The following AXDND1 variants were observed in gnomAD, a reference collection of about 807,000 sequenced individuals.
AXDND1 encodes axonemal dynein light chain domain-containing protein 1.
In AXDND1, 110 loss-of-function variants were observed where a neutral mutation model predicts 137.5. The ratio of observed to expected loss-of-function variants is 0.80; its 90% CI spans 0.69 to 0.94. The LOEUF (loss-of-function observed/expected upper bound fraction) is 0.94, where lower values mean the gene tolerates loss of function less well. Ranked by LOEUF, AXDND1 falls within the 40% of genes least tolerant of loss-of-function variation. The pLI is 0.00. For missense variants in AXDND1, 1,191 were observed against 1,169.8 expected (o/e 1.02, Z -0.26); for synonymous variants, 414 against 399.7 (o/e 1.04, Z -0.43).
At chr1:179,468,991 G>A (rs1663583176) in intron 17 of AXDND1, among the ~76,000 whole-genome samples, 1 of 151,562 alleles carries the variant, frequency 6.6e-6, no homozygotes, top group African/African-American at 2.4e-5. Flanking sequence ...GTGCAATGGC[G>A]AGATCTTGGC....
At chr1:179,407,274 A>G (rs984044373) in intron 11 of AXDND1, among the ~76,000 whole-genome samples, 2 of 151,374 alleles carry the variant, frequency 1.3e-5, no homozygotes, top group African/African-American at 2.4e-5. Context: ...TGTCACCAGA[A>G]TGGAGTGTAG....
At chr1:179,427,854 A>T (rs1024611221) in intron 12 of AXDND1, among the ~76,000 whole-genome samples, 3 of 151,880 alleles carry the variant, frequency 2.0e-5, no homozygotes, top group Non-Finnish European at 4.4e-5. Context: ...CAGAGCCTGA[A>T]CTCCCAGTTT....
At chr1:179,509,725 T>C (rs1434424245) in intron 21 of AXDND1, among the ~76,000 whole-genome samples, 1 of 152,170 alleles carries the variant, frequency 6.6e-6, no homozygotes, top group Non-Finnish European at 1.5e-5. Context: ...TCCCCTCCAG[T>C]CTCAGTCTTT....
At chr1:179,529,275 A>T (rs1023216554) in intron 23 of AXDND1, among the ~76,000 whole-genome samples, 1 of 152,128 alleles carries the variant, frequency 6.6e-6, no homozygotes, top group Non-Finnish European at 1.5e-5. Flanking sequence ...ATTTTCTTGG[A>T]TTGGGGGATC....
chr1:179,433,258 CTCT>C (rs1329138972), intron 15 of AXDND1, among the ~76,000 whole-genome samples: 1 of 151,964 alleles, frequency 6.6e-6, no homozygotes, highest in African/African-American at 2.4e-5. Flanking sequence ...CGATTCTTCT[CTCT>C]TCTTTATTAG....
chr1:179,469,686 A>G (rs1320020256), intron 17 of AXDND1, among the ~76,000 whole-genome samples: 1 of 152,214 alleles, frequency 6.6e-6, no homozygotes, highest in East Asian at 1.9e-4. Flanking sequence ...ATACTTGCCA[A>G]TACTTATTAT....
chr1:179,489,529 A>G (rs1252520367), intron 18 of AXDND1, among the ~76,000 whole-genome samples: 1 of 152,206 alleles, frequency 6.6e-6, no homozygotes, highest in Non-Finnish European at 1.5e-5. Flanking sequence ...CAGCAGGGAC[A>G]TAACTAGTAG....
chr1:179,441,646 T>C (rs994120872), intron 15 of AXDND1, among the ~76,000 whole-genome samples: 1 of 152,248 alleles, frequency 6.6e-6, no homozygotes, highest in Non-Finnish European at 1.5e-5. Flanking sequence ...CTTACATGTA[T>C]GTAAAAAAGA....
chr1:179,535,025 C>A (rs752043787), intron 25 of AXDND1, 63 bp downstream of exon 25: 2 of 1,597,720 alleles, frequency 1.3e-6, no homozygotes, highest in East Asian at 4.5e-5. Flanking sequence ...TTTGACTGGG[C>A]CACAAATATT....
At chr1:179,426,194 TCA>T (rs1656548171) in intron 12 of AXDND1, among the ~76,000 whole-genome samples, 1 of 152,054 alleles carries the variant, frequency 6.6e-6, no homozygotes, top group Non-Finnish European at 1.5e-5. Flanking sequence ...TCAGTGACAA[TCA>T]CTAGAAATAA....
chr1:179,491,874 TA>T, intron 19 of AXDND1, 137 bp downstream of exon 19: 1 of 777,998 alleles, frequency 1.3e-6, no homozygotes, highest in Non-Finnish European at 1.9e-6. Flanking sequence ...CAACTAGCTT[TA>T]ACACTGTGAG....
At chr1:179,459,947 T>C (rs1243720210) in intron 16 of AXDND1, among the ~76,000 whole-genome samples, 1 of 146,610 alleles carries the variant, frequency 6.8e-6, no homozygotes, top group African/African-American at 2.5e-5. Flanking sequence ...TCTCTCTCTT[T>C]TCTTTTCTTC....
intron 17 of AXDND1, among the ~76,000 whole-genome samples, chr1:179,476,566 T>TAA (rs1558237821): frequency 4.0e-5 from 6 of 151,008 alleles, no homozygotes; most frequent in East Asian, 2.0e-4. Context: ...GTTTTTTTTT[T>TAA]AAATCTGGGG....
At position 179,459,848 on chromosome 1, in the gene AXDND1, T is replaced by C. The variant is rs532448398; in HGVS notation, c.1799-8595T>C. ...TTTTCTTTTCTTTTCTTTCCCTTCC[T>C]TCCTTCCTTTCTTTCCTTCCTTTCT... On this transcript the variant is annotated intron_variant, in intron 16 of 25. Transcript: ENST00000367618. Among the ~76,000 whole-genome samples, 29 of 149,584 alleles carry C rather than the reference T, an allele frequency of 1.9e-4. 3 individuals are homozygous for C. The highest frequency in any genetic ancestry group is 3.4e-3 in the Middle Eastern group (1 of 294).
intron 17 of AXDND1, among the ~76,000 whole-genome samples, chr1:179,480,301 A>AGTGCCTTCCAT (rs1319312842): frequency 6.6e-6 from 1 of 152,190 alleles, no homozygotes; most frequent in Non-Finnish European, 1.5e-5. Flanking sequence ...GGAAGGTGAA[A>AGTGCCTTCCAT]GGCACATCTC....
intron 15 of AXDND1, 114 bp from the exon 16 acceptor site, chr1:179,444,856 T>C (rs1332819771): frequency 1.1e-5 from 7 of 618,514 alleles, no homozygotes; most frequent in Admixed American, 3.1e-5. Flanking sequence ...ATAATAATAA[T>C]AGGATATGCA....
chr1:179,380,492 T>C (rs536810460), intron 6 of AXDND1, among the ~76,000 whole-genome samples: 17 of 152,330 alleles, frequency 1.1e-4, no homozygotes, highest in Admixed American at 9.1e-4. Flanking sequence ...TCATAATCCA[T>C]GCTCCAGGGC....
chr1:179,445,277 A>G, intron 16 of AXDND1, 73 bp downstream of exon 16: 5 of 1,053,412 alleles, frequency 4.7e-6, no homozygotes, highest in Non-Finnish European at 6.6e-6. Context: ...CAATACAATG[A>G]ATATTTAAAA....
chr1:179,370,617 T>C (rs769141032), intron 4 of AXDND1, among the ~76,000 whole-genome samples: 3 of 152,248 alleles, frequency 2.0e-5, no homozygotes, highest in Admixed American at 6.5e-5. Context: ...TTCTAAGTCA[T>C]TCTAAGGCGG....
Sources: allele counts gnomAD v4.1 joint callset (sites outside exome capture counted in the v4.1 genomes callset), GRCh38; gene constraint gnomAD v4.1.1; transcripts MANE v1.5; gene names NCBI Gene and HGNC (gene_info 2026-07-23, HGNC 2026-07-21).